The following ASPH variants were observed in gnomAD, a reference collection of about 807,000 sequenced individuals.
ASPH encodes aspartyl/asparaginyl beta-hydroxylase.
A neutral mutation model predicts 118.4 loss-of-function variants in ASPH; 100 were observed. The observed-to-expected ratio is 0.84, with a 90% confidence interval of 0.72 to 1.00. The LOEUF is 1.00. Ranked by LOEUF, ASPH falls within the 50% of genes least tolerant of loss-of-function variation. The pLI is 0.00. For synonymous variants in ASPH, 315 were observed against 325.6 expected, an observed-to-expected ratio of 0.97 and a Z score of 0.35; for missense variants, 920 against 919.5, an observed-to-expected ratio of 1.00 and a Z score of -0.01.
chr8:61,701,642 A>C (rs183449694), intron 1 of ASPH, among the ~76,000 whole-genome samples: 132 of 152,344 alleles, frequency 8.7e-4, no homozygotes, highest in African/African-American at 3.0e-3. Context: ...AAACAGATGG[A>C]CCAGCTAGAA....
intron 14 of ASPH, among the ~76,000 whole-genome samples, chr8:61,603,363 A>G (rs1314992993): frequency 6.6e-6 from 1 of 152,192 alleles, no homozygotes; most frequent in Non-Finnish European, 1.5e-5. Context: ...AAAGACAGCA[A>G]TTCGTTTTGT....
In ASPH at chr8:61,578,873, T is replaced by A. The variant is rs879228876; in HGVS notation, c.1063-2015A>T. The A allele has an allele frequency of 4.5e-5, 72 of 1,612,630 alleles. 1 individual carries two copies. The highest frequency in any genetic ancestry group is 5.7e-5 in the Non-Finnish European group (67 of 1,179,510). The stretch of plus-strand genomic sequence containing the variant: ...TGGAGTCTCGCCTGGAAGGGCTGAC[T>A]GACGAGATCAACTTCCTCAGGCAGC... On this transcript the variant is annotated intron_variant, in intron 15 of 24. Coordinates refer to ENST00000379454, the MANE Select transcript of ASPH (RefSeq NM_004318.4).
intron 20 of ASPH, among the ~76,000 whole-genome samples, chr8:61,550,442 TACACACACAC>T (rs34577657): frequency 1.4e-5 from 2 of 147,576 alleles, no homozygotes; most frequent in African/African-American, 5.0e-5. Context: ...CACATGTACA[TACACACACAC>T]ACACACACAC....
intron 14 of ASPH, among the ~76,000 whole-genome samples, chr8:61,607,708 T>C (rs1846035005): frequency 6.6e-6 from 1 of 152,194 alleles, no homozygotes; most frequent in Non-Finnish European, 1.5e-5. Context: ...GAGTACCTTC[T>C]GAGTACAAAG....
chr8:61,637,362 G>A (rs948708489), intron 12 of ASPH, among the ~76,000 whole-genome samples: 5 of 152,022 alleles, frequency 3.3e-5, no homozygotes, highest in African/African-American at 4.8e-5. Flanking sequence ...AGATCTCCAC[G>A]CTCCCTGTTT....
intron 13 of ASPH, among the ~76,000 whole-genome samples, chr8:61,621,031 G>T (rs960960591): frequency 2.6e-5 from 4 of 152,228 alleles, no homozygotes; most frequent in Non-Finnish European, 5.9e-5. Flanking sequence ...CAGGAACGTG[G>T]AGGGTGAGTG....
chr8:61,634,113 T>A (rs1856782078), intron 12 of ASPH, among the ~76,000 whole-genome samples: 2 of 152,230 alleles, frequency 1.3e-5, no homozygotes. Flanking sequence ...CTATCCTTCA[T>A]GAAGTTGTTT....
intron 21 of ASPH, among the ~76,000 whole-genome samples, chr8:61,535,774 T>C (rs1244207518): frequency 1.3e-5 from 2 of 152,236 alleles, no homozygotes; most frequent in African/African-American, 4.8e-5. Flanking sequence ...ACTCTAAACA[T>C]GATAAGACGA....
At chr8:61,617,210 G>A (rs1296832857) in intron 14 of ASPH, among the ~76,000 whole-genome samples, 10 of 152,154 alleles carry the variant, frequency 6.6e-5, no homozygotes, top group Admixed American at 6.5e-4. Context: ...TGTATATGGG[G>A]AAATGCTCCG....
At chr8:61,516,239 T>C (rs146781809) in intron 24 of ASPH, among the ~76,000 whole-genome samples, 3 of 152,318 alleles carry the variant, frequency 2.0e-5, no homozygotes, top group East Asian at 3.9e-4. Context: ...GTTGAGTGTC[T>C]GTGAGCAGGT....
In ASPH at chr8:61,708,962, C is replaced by A. The variant is rs1170654499; in HGVS notation, c.103+5307G>T. On this transcript the variant is annotated intron_variant, in intron 1 of 24. Transcript: ENST00000379454. ...TATCTACGGCAGATGATGACAGTCA[C>A]ATGACTAGGCAAGTGACCTGAATCT... 7.4e-5 allele frequency among the ~76,000 whole-genome samples: 11 copies of A among 149,516 alleles called. 1 individual carries two copies. In the Admixed American group the frequency reaches 7.4e-4, roughly 10 times the overall value.
intron 20 of ASPH, among the ~76,000 whole-genome samples, chr8:61,552,335 A>C (rs900148641): frequency 1.3e-5 from 2 of 152,230 alleles, no homozygotes; most frequent in African/African-American, 4.8e-5. Context: ...GTCATGATTA[A>C]TGAGACAATG....
intron 13 of ASPH, among the ~76,000 whole-genome samples, chr8:61,631,180 T>A (rs7841144): frequency 0.18 from 27,788 of 152,032 alleles, 2,686 homozygotes; most frequent in South Asian, 0.35. Flanking sequence ...TTTAAAAAAA[T>A]TACAGTAAAC....
intron 12 of ASPH, among the ~76,000 whole-genome samples, chr8:61,635,302 G>A (rs1857243917): frequency 6.6e-6 from 1 of 152,024 alleles, no homozygotes; most frequent in South Asian, 2.1e-4. Flanking sequence ...TAGATTCTTA[G>A]AGCTCAGTCC....
chr8:61,641,549 T>C (rs1462747558), intron 10 of ASPH, among the ~76,000 whole-genome samples: 2 of 152,140 alleles, frequency 1.3e-5, no homozygotes, highest in Admixed American at 6.6e-5. Flanking sequence ...TCATAAAAAT[T>C]ATCAGTACCT....
intron 2 of ASPH, chr8:61,683,791 T>G (rs1829307569): frequency 2.7e-6 from 1 of 372,804 alleles, no homozygotes; most frequent in Admixed American, 4.1e-5. Context: ...TTGATAAAAC[T>G]TCTCCCTGTG....
intron 3 of ASPH, chr8:61,668,312 A>G (rs1820725816): frequency 6.5e-7 from 1 of 1,537,574 alleles, no homozygotes; most frequent in South Asian, 1.2e-5. Context: ...GGTTATAAAC[A>G]GAAAATTTAA....
At chr8:61,578,328 A>G in intron 15 of ASPH, 1 of 1,605,318 alleles carries the variant, frequency 6.2e-7, no homozygotes, top group Non-Finnish European at 8.5e-7. Context: ...CAGCTCCTCG[A>G]GCTTCTCCTG....
chr8:61,667,714 T>A (rs1051820181), intron 3 of ASPH, among the ~76,000 whole-genome samples: 1 of 152,224 alleles, frequency 6.6e-6, no homozygotes, highest in Admixed American at 6.5e-5. Flanking sequence ...TCTATGTCAA[T>A]GTAATGTAGG....
Sources: gnomAD v4.1 joint callset for allele counts (sites outside exome capture counted in the v4.1 genomes callset) on GRCh38, gnomAD v4.1.1 for gene constraint, MANE v1.5 for transcripts, NCBI Gene and HGNC (gene_info 2026-07-23, HGNC 2026-07-21) for gene names.